MINAR1: variants seen among roughly 807,000 people sequenced by gnomAD.
The protein encoded by MINAR1 is membrane integral NOTCH2 associated receptor 1.
MINAR1 carries 40 observed loss-of-function variants against 65.1 expected under a neutral mutation model. The observed-to-expected ratio is 0.61, with a 90% confidence interval of 0.48 to 0.80. The LOEUF is 0.80. Ranked by LOEUF, MINAR1 falls within the 30% of genes least tolerant of loss-of-function variation. The probability of loss-of-function intolerance (pLI) is 0.00; values close to 1 mark genes in which losing one functional copy is unlikely to be tolerated. For synonymous variants in MINAR1, 482 were observed against 449.1 expected (o/e 1.07, Z -0.93); for missense variants, 1,128 against 1,148.0 (o/e 0.98, Z 0.25).
chr15:79,451,918 TAAG>T (rs761247209), intron 1 of MINAR1, among the ~76,000 whole-genome samples: 10 of 152,248 alleles, frequency 6.6e-5, no homozygotes, highest in Admixed American at 3.9e-4. Flanking sequence ...GCTGGGATGT[TAAG>T]AAAGTTTAAA....
At chr15:79,417,316 C>T in the MINAR1 span, 1 of 152,254 alleles carries the variant, frequency 6.6e-6, no homozygotes, top group Non-Finnish European at 1.5e-5. Flanking sequence ...TTCCAGGCAT[C>T]ACTGCAGGAT....
intron 1 of MINAR1, among the ~76,000 whole-genome samples, chr15:79,445,810 A>C (rs1234264937): frequency 6.6e-6 from 1 of 152,200 alleles, no homozygotes; most frequent in Non-Finnish European, 1.5e-5. Flanking sequence ...GGCCTCCCAA[A>C]GTGCTGGGAT....
intron 2 of MINAR1, among the ~76,000 whole-genome samples, chr15:79,459,242 G>A (rs1311303951): frequency 6.6e-6 from 1 of 152,192 alleles, no homozygotes; most frequent in Non-Finnish European, 1.5e-5. Context: ...TCTTAATCTG[G>A]TGTCTTTCCT....
chr15:79,442,065 G>GTT (rs145585936), intron 1 of MINAR1, among the ~76,000 whole-genome samples: 7 of 133,560 alleles, frequency 5.2e-5, no homozygotes, highest in African/African-American at 1.9e-4. Context: ...TTTTTTTACT[G>GTT]TTTTTTTTTT....
intron 1 of MINAR1, among the ~76,000 whole-genome samples, chr15:79,433,857 G>A (rs936584541): frequency 3.3e-4 from 50 of 152,284 alleles, no homozygotes; most frequent in African/African-American, 9.4e-4. Flanking sequence ...TTGAGAGCCC[G>A]GCGGCAATAT....
intron 1 of MINAR1, among the ~76,000 whole-genome samples, chr15:79,452,748 G>T (rs934088036): frequency 5.4e-5 from 7 of 130,704 alleles, no homozygotes; most frequent in Non-Finnish European, 1.2e-4. Context: ...GTGTGGGGGG[G>T]GTGTGTGGGT....
chr15:79,425,075 T>C, the MINAR1 span: 61,967 of 151,626 alleles, frequency 0.41, 13,062 homozygotes, highest in South Asian at 0.54. Context: ...AGTCTCACTC[T>C]ATCGTCCAGG....
intron 2 of MINAR1, among the ~76,000 whole-genome samples, chr15:79,461,644 TTGA>T (rs1895643883): frequency 6.6e-6 from 1 of 152,216 alleles, no homozygotes; most frequent in Non-Finnish European, 1.5e-5. Flanking sequence ...GTCAGCAGTC[TTGA>T]TGGTCTAGAA....
chr15:79,463,576 T>A (rs912051803), intron 3 of MINAR1: 3 of 650,540 alleles, frequency 4.6e-6, no homozygotes, highest in Non-Finnish European at 8.5e-6. Context: ...TTATCGGCCA[T>A]CTGATTTGCT....
the MINAR1 span, chr15:79,412,956 A>T: frequency 6.6e-6 from 1 of 152,198 alleles, no homozygotes; most frequent in South Asian, 2.1e-4. Flanking sequence ...TTGGAAGCCT[A>T]GCTTTGGCTC....
chr15:79,467,468 G>T (rs1895909524), intron 3 of MINAR1, among the ~76,000 whole-genome samples: 1 of 152,132 alleles, frequency 6.6e-6, no homozygotes, highest in South Asian at 2.1e-4. Context: ...AGTTAAATAT[G>T]GTATTTCTCC....
intron 1 of MINAR1, among the ~76,000 whole-genome samples, chr15:79,445,099 G>A (rs1213668020): frequency 6.6e-6 from 1 of 151,934 alleles, no homozygotes; most frequent in African/African-American, 2.4e-5. Context: ...TTTTCCTGGT[G>A]AGTTGTTTTT....
intron 2 of MINAR1, among the ~76,000 whole-genome samples, chr15:79,461,889 G>A (rs2865238): frequency 6.6e-6 from 1 of 151,870 alleles, no homozygotes; most frequent in South Asian, 2.1e-4. Context: ...ACACACTCCA[G>A]GTGTGCTTCC....
chr15:79,456,968 T>G lies in MINAR1; in HGVS notation c.821T>G (p.Leu274Trp). 6.2e-7 allele frequency: 1 copy of G among 1,614,154 alleles called. No homozygotes were observed. The highest frequency in any genetic ancestry group is 8.5e-7 in the Non-Finnish European group (1 of 1,180,014). ...AATTTGATGGCAGTGTCCCCCAGTTTGGTTGGCCCCATCAGCAAAGCAGAG... is the reference window on the plus strand; with the variant it reads ...AATTTGATGGCAGTGTCCCCCAGTTGGGTTGGCCCCATCAGCAAAGCAGAG... ...FHNLMAVSPS[L>W]VGPISKAENE... Residue 274 changes from leucine to tryptophan, a missense_variant, in exon 2 of 4, where the codon TTG becomes TGG. Coordinates refer to ENST00000305428, the MANE Select transcript of MINAR1 (RefSeq NM_015206.3).
chr15:79,462,111 C>G (rs777580427), intron 2 of MINAR1, among the ~76,000 whole-genome samples: 1 of 152,200 alleles, frequency 6.6e-6, no homozygotes, highest in Non-Finnish European at 1.5e-5. Flanking sequence ...CATATCGCCT[C>G]TAACCCTCTG....
chr15:79,431,473 G>T (rs1275133032), upstream of MINAR1, among the ~76,000 whole-genome samples: 1 of 150,612 alleles, frequency 6.6e-6, no homozygotes, highest in Non-Finnish European at 1.5e-5. Context: ...CAGTTTCGTG[G>T]GGTTTGGGGG....
rs1895453413 is a variant in MINAR1, at chr15:79,457,087, A to C, written c.940A>C (p.Asn314His). 1.2e-6 allele frequency: 2 copies of C among 1,614,194 alleles called. No individual in the cohort carries two copies. Residue 314 changes from asparagine to histidine, a missense_variant, in exon 2 of 4, where the codon AAT becomes CAT. Physicochemically the swap from Asn to His is moderately conservative, Grantham distance 68. Coordinates refer to ENST00000305428, the MANE Select transcript of MINAR1 (RefSeq NM_015206.3). ...AATGCCCTATAACAGCCAGTACCTG[A>C]ATCCAGTGTATTCCCCGGTTCCTGA... ...FEMPYNSQYL[N>H]PVYSPVPDKR...
rs759259983 is a variant in MINAR1, at chr15:79,457,322, A to G, written c.1175A>G (p.Lys392Arg). ...SFFNRNPSEE[K>R]LHYPNASSQT... ...TTCAATAGAAATCCCTCCGAGGAGA[A>G]GCTACACTATCCAAATGCCAGTAGC... Residue 392 changes from lysine (K) to arginine (R), a missense_variant, in exon 2 of 4, where the codon AAG (lysine) becomes AGG (arginine). Coordinates refer to ENST00000305428, the MANE Select transcript of MINAR1 (RefSeq NM_015206.3). 5.6e-6 allele frequency: 9 copies of G among 1,614,194 alleles called. No homozygotes were observed. Among genetic ancestry groups the G allele is most frequent in the Middle Eastern group, 1.6e-4 (1 of 6,062 alleles).
rs1053247547 is a variant in MINAR1 at position 79,458,105 on chromosome 15, G to C, written c.1958G>C (p.Gly653Ala). The C allele has an allele frequency of 3.1e-6, 5 of 1,614,038 alleles. No homozygotes were observed. Among genetic ancestry groups the C allele is most frequent in the Non-Finnish European group, 4.2e-6 (5 of 1,180,044 alleles). ...GATCTGAACTCCTTGACAAGCGAGGGTCCGTCTGATGACAGTGCCTCTCCC... is the reference window on the plus strand; with the variant it reads ...GATCTGAACTCCTTGACAAGCGAGGCTCCGTCTGATGACAGTGCCTCTCCC... ...QIDLNSLTSE[G>A]PSDDSASPRM... Residue 653 changes from glycine to alanine, a missense_variant, in exon 2 of 4, where the codon GGT becomes GCT. Gly to Ala is a moderately conservative substitution (Grantham distance 60, BLOSUM62 0). Transcript: ENST00000305428.
Sources: gnomAD v4.1 joint callset for allele counts (sites outside exome capture counted in the v4.1 genomes callset) on GRCh38, gnomAD v4.1.1 for gene constraint, MANE v1.5 for transcripts, NCBI Gene and HGNC (gene_info 2026-07-23, HGNC 2026-07-21) for gene names.